The following CDH4 variants were observed in gnomAD, a reference collection of about 807,000 sequenced individuals.
CDH4 encodes the protein cadherin-4.
CDH4 carries 33 observed loss-of-function variants against 86.0 expected under a neutral mutation model. The ratio of observed to expected loss-of-function variants is 0.38; its 90% CI spans 0.29 to 0.51. The LOEUF (loss-of-function observed/expected upper bound fraction) is 0.51. Among genes scored for constraint, CDH4 ranks in the 20% least tolerant of loss-of-function variants. The pLI is 0.86. For missense variants in CDH4, 1,114 were observed against 1,307.4 expected, an observed-to-expected ratio of 0.85 and a Z score of 2.28; for synonymous variants, 555 against 549.4, an observed-to-expected ratio of 1.01 and a Z score of -0.14.
chr20:61,702,730 G>A (rs760922692), intron 2 of CDH4, among the ~76,000 whole-genome samples: 5 of 152,194 alleles, frequency 3.3e-5, no homozygotes, highest in Non-Finnish European at 7.3e-5. Flanking sequence ...CCAATTACAG[G>A]CAATGTCACC....
At chr20:61,577,578 C>G (rs1252449877) in intron 2 of CDH4, among the ~76,000 whole-genome samples, 1 of 152,138 alleles carries the variant, frequency 6.6e-6, no homozygotes, top group Non-Finnish European at 1.5e-5. Context: ...GAGAGCTGAG[C>G]TGAATCTCTG....
At chr20:61,513,342 G>C (rs2085794406) in intron 2 of CDH4, among the ~76,000 whole-genome samples, 1 of 152,226 alleles carries the variant, frequency 6.6e-6, no homozygotes, top group African/African-American at 2.4e-5. Flanking sequence ...GACTGCGGGG[G>C]CTAACTTCCT....
In CDH4 at chr20:61,879,167, C is replaced by T. The variant is rs1984171933; in HGVS notation, c.1050+5267C>T. 6.6e-6 allele frequency among the ~76,000 whole-genome samples: 1 copy of T among 152,210 alleles called. No individual in the cohort carries two copies. Among genetic ancestry groups the T allele is most frequent in the Non-Finnish European group, 1.5e-5 (1 of 68,040 alleles). ...GCCAAGCGAGCACCAGTTCAGCTCC[C>T]CCGGGACCCGGCCTTCACCCAGCAG... On this transcript the variant is annotated intron_variant, in intron 7 of 15. Coordinates refer to ENST00000614565, the MANE Select transcript of CDH4 (RefSeq NM_001794.5). This position sits in a 1 kb window ranked among gnomAD's most constrained non-coding sequence, Gnocchi z 4.1.
chr20:61,638,495 A>G (rs898370789), intron 2 of CDH4, among the ~76,000 whole-genome samples: 14 of 152,120 alleles, frequency 9.2e-5, no homozygotes, highest in Non-Finnish European at 1.8e-4. Context: ...CTCTGGGGGG[A>G]CACTTTGGAA....
intron 2 of CDH4, among the ~76,000 whole-genome samples, chr20:61,735,399 G>A (rs937313934): frequency 6.6e-6 from 1 of 152,208 alleles, no homozygotes; most frequent in African/African-American, 2.4e-5. Flanking sequence ...GTCCCCATTA[G>A]TGCTCACTCC....
rs562134030 is a variant in CDH4 at position 61,606,197 on chromosome 20, G to A, written c.170-137366G>A. ...GTGGCTCAATGTCCACGCAGCAGAT[G>A]TGGATAGAAGGTGGCCAAGCAGACA... On this transcript the variant is annotated intron_variant, in intron 2 of 15. Coordinates refer to ENST00000614565, the MANE Select transcript of CDH4 (RefSeq NM_001794.5). Among the ~76,000 whole-genome samples the A allele has an allele frequency of 3.0e-4, 46 of 152,326 alleles. 1 individual carries two copies. In the South Asian group the frequency reaches 9.5e-3, roughly 32 times the overall value.
chr20:61,933,668 T>G (rs2055141708), intron 14 of CDH4, among the ~76,000 whole-genome samples: 1 of 148,484 alleles, frequency 6.7e-6, no homozygotes, highest in South Asian at 2.1e-4. Flanking sequence ...GCCCAGCTCC[T>G]GGCCACCTTC....
intron 2 of CDH4, among the ~76,000 whole-genome samples, chr20:61,610,189 T>C (rs1266906838): frequency 6.6e-6 from 1 of 152,198 alleles, no homozygotes. Flanking sequence ...CATTCACCAT[T>C]CTACCCTCTA....
At chr20:61,746,670 G>A (rs1241495620) in intron 3 of CDH4, among the ~76,000 whole-genome samples, 2 of 152,240 alleles carry the variant, frequency 1.3e-5, no homozygotes, top group Non-Finnish European at 2.9e-5. Flanking sequence ...ACTTTGAGGT[G>A]AACTGCTCTG....
At position 61,533,443 on chromosome 20, in the gene CDH4, G is replaced by A. The variant is rs113766576; in HGVS notation, c.170-210120G>A. Among the ~76,000 whole-genome samples the A allele has an allele frequency of 6.2e-3, 948 of 152,302 alleles. 10 individuals carry two copies. Among genetic ancestry groups the A allele is most frequent in the African/African-American group, 0.021 (887 of 41,566 alleles). The stretch of plus-strand genomic sequence containing the variant: ...TGCAGAGGCAGCTAGAGCTGTGCTC[G>A]TCTCTCCATCCCTTGTCCTCCCTAG... On this transcript the variant is annotated intron_variant, in intron 2 of 15. Transcript: ENST00000614565.
At chr20:61,275,418 G>A (rs1422239381) in intron 2 of CDH4, among the ~76,000 whole-genome samples, 1 of 89,794 alleles carries the variant, frequency 1.1e-5, no homozygotes, top group Non-Finnish European at 2.1e-5. Context: ...GCACAGTTTG[G>A]GGGAGTATTG....
At chr20:61,779,413 G>A (rs905769989) in intron 4 of CDH4, among the ~76,000 whole-genome samples, 7 of 152,302 alleles carry the variant, frequency 4.6e-5, no homozygotes, top group African/African-American at 9.6e-5. Flanking sequence ...CCACAGTCGC[G>A]GAGCCTGCGA....
chr20:61,620,442 G>A (rs2086767020), intron 2 of CDH4, among the ~76,000 whole-genome samples: 1 of 151,998 alleles, frequency 6.6e-6, no homozygotes, highest in Non-Finnish European at 1.5e-5. Context: ...ATAGATGCTT[G>A]ATGGATGGAT....
intron 2 of CDH4, among the ~76,000 whole-genome samples, chr20:61,295,748 AG>A (rs1214975370): frequency 6.6e-6 from 1 of 152,160 alleles, no homozygotes; most frequent in East Asian, 1.9e-4. Flanking sequence ...GGCGGTGGCC[AG>A]GCAGACCCCT....
At position 61,510,150 on chromosome 20, in the gene CDH4, A is replaced by G. The variant is rs1037443701; in HGVS notation, c.170-233413A>G. 1.3e-5 allele frequency among the ~76,000 whole-genome samples: 2 copies of G among 152,110 alleles called. No individual in the cohort carries two copies. Among genetic ancestry groups the G allele is most frequent in the African/African-American group, 4.8e-5 (2 of 41,424 alleles). On this transcript the variant is annotated intron_variant, in intron 2 of 15. Coordinates refer to ENST00000614565, the MANE Select transcript of CDH4 (RefSeq NM_001794.5). This position sits in a 1 kb window ranked among gnomAD's most constrained non-coding sequence, Gnocchi z 4.2. ...TCATTTAAAGTTGTTTGAAAATCTG[A>G]TCAGAAAGAGCTTCAACCCGGAAAT...
chr20:61,707,762 G>C (rs565047086), intron 2 of CDH4, among the ~76,000 whole-genome samples: 4 of 152,274 alleles, frequency 2.6e-5, no homozygotes, highest in African/African-American at 9.6e-5. Flanking sequence ...GTCTCATGAG[G>C]AACGCGCAGC....
chr20:61,375,757 G>GTCT, intron 2 of CDH4, among the ~76,000 whole-genome samples: 1 of 98,832 alleles, frequency 1.0e-5, no homozygotes, highest in Non-Finnish European at 2.1e-5. Context: ...GGTGATGATG[G>GTCT]TGGTGCTGGT....
intron 6 of CDH4, among the ~76,000 whole-genome samples, chr20:61,858,401 CTG>C (rs1427706205): frequency 2.7e-5 from 4 of 147,700 alleles, no homozygotes; most frequent in South Asian, 2.2e-4. Flanking sequence ...GTCTCTGTGT[CTG>C]TGTGTCTGCG....
At position 61,924,480 on chromosome 20, in the gene CDH4, C is replaced by A. The variant is rs377679413; in HGVS notation, c.1771+4C>A. 5 of 1,611,448 alleles carry A rather than the reference C, an allele frequency of 3.1e-6. No individual in the cohort carries two copies. The highest frequency in any genetic ancestry group is 3.4e-6 in the Non-Finnish European group (4 of 1,178,992). Reference sequence around the variant, plus strand: ...ACCTTCCTGGCAGCTGACAATGGTGCGGCCCACCCCAGGGAGGCAGCCGTC... The same window carrying A: ...ACCTTCCTGGCAGCTGACAATGGTGAGGCCCACCCCAGGGAGGCAGCCGTC... On this transcript the variant is annotated splice_donor_region_variant and intron_variant, in intron 11 of 15. Transcript: ENST00000614565.
Sources: gnomAD v4.1 joint callset for allele counts (sites outside exome capture counted in the v4.1 genomes callset) on GRCh38, gnomAD v4.1.1 for gene constraint, Gnocchi (gnomAD v3.1) non-coding constraint, MANE v1.5 for transcripts, NCBI Gene and HGNC (gene_info 2026-07-23, HGNC 2026-07-21) for gene names.